The following TTC28 variants were observed in gnomAD, a reference collection of about 807,000 sequenced individuals.
The protein encoded by TTC28 is tetratricopeptide repeat protein 28.
Under a neutral mutation model 198.0 loss-of-function variants are expected in TTC28, and 61 were observed. That is an observed-to-expected ratio of 0.31 (90% CI 0.25 to 0.38). The LOEUF is 0.38. Ranked by LOEUF, TTC28 falls within the 10% of genes least tolerant of loss-of-function variation. TTC28 has a pLI of 1.00. For synonymous variants in TTC28, 1,171 were observed against 1,297.8 expected, an observed-to-expected ratio of 0.90 and a Z score of 2.10; for missense variants, 2,678 against 3,164.0, an observed-to-expected ratio of 0.85 and a Z score of 3.69.
chr22:28,184,441 G>A (rs1923995801), intron 5 of TTC28, among the ~76,000 whole-genome samples: 1 of 152,102 alleles, frequency 6.6e-6, no homozygotes, highest in African/African-American at 2.4e-5. Context: ...ATTTGGGCAT[G>A]CAAGCGCATA....
intron 2 of TTC28, among the ~76,000 whole-genome samples, chr22:28,433,219 G>T (rs913967219): frequency 2.0e-5 from 3 of 151,766 alleles, no homozygotes; most frequent in Non-Finnish European, 2.9e-5. Flanking sequence ...TAAATTTCTC[G>T]GTATCTTCAA....
intron 2 of TTC28, among the ~76,000 whole-genome samples, chr22:28,509,298 C>G (rs1385659361): frequency 6.6e-6 from 1 of 151,824 alleles, no homozygotes; most frequent in Admixed American, 6.6e-5. Flanking sequence ...GGATTTAAAA[C>G]AGTCTTCAGC....
chr22:28,460,742 G>A (rs2047938823), intron 2 of TTC28, among the ~76,000 whole-genome samples: 1 of 152,064 alleles, frequency 6.6e-6, no homozygotes, highest in South Asian at 2.1e-4. Flanking sequence ...GCAGTGCAGT[G>A]GTGCAAACAG....
intron 6 of TTC28, 109 bp downstream of exon 6, chr22:28,162,983 T>C (rs1210082030): frequency 1.5e-6 from 2 of 1,325,450 alleles, no homozygotes; most frequent in Admixed American, 2.8e-5. Context: ...ACAATAAGGA[T>C]ATTCTTTTAA....
intron 1 of TTC28, among the ~76,000 whole-genome samples, chr22:28,656,849 A>AC (rs1396225083): frequency 6.6e-6 from 1 of 152,210 alleles, no homozygotes; most frequent in Admixed American, 6.5e-5. Flanking sequence ...CCAACATGGC[A>AC]CATGTATATA....
At chr22:28,174,918 A>G (rs940596606) in intron 5 of TTC28, among the ~76,000 whole-genome samples, 1 of 152,042 alleles carries the variant, frequency 6.6e-6, no homozygotes. Context: ...TTGTTCATTC[A>G]TTCTTGCATT....
intron 2 of TTC28, among the ~76,000 whole-genome samples, chr22:28,530,932 C>G (rs867517205): frequency 6.6e-6 from 1 of 152,164 alleles, no homozygotes; most frequent in Non-Finnish European, 1.5e-5. Context: ...AAGGAACAAC[C>G]GGTACCAGCC....
At chr22:28,570,199 C>T (rs1168334379) in intron 2 of TTC28, among the ~76,000 whole-genome samples, 1 of 152,188 alleles carries the variant, frequency 6.6e-6, no homozygotes, top group Non-Finnish European at 1.5e-5. Flanking sequence ...ACAGCAATCC[C>T]ATGACTGGGT....
intron 7 of TTC28, among the ~76,000 whole-genome samples, chr22:28,106,773 G>A (rs1013139316): frequency 3.9e-5 from 6 of 152,126 alleles, no homozygotes; most frequent in Non-Finnish European, 8.8e-5. Context: ...GTAGTCAAAA[G>A]GCACTGCATT....
intron 5 of TTC28, among the ~76,000 whole-genome samples, chr22:28,217,620 G>C (rs1179336040): frequency 6.6e-6 from 1 of 152,122 alleles, no homozygotes; most frequent in East Asian, 1.9e-4. Flanking sequence ...TTTTATTTTA[G>C]TTTCAGCATA....
chr22:28,460,422 A>G (rs2047930761), intron 2 of TTC28, among the ~76,000 whole-genome samples: 1 of 151,354 alleles, frequency 6.6e-6, no homozygotes, highest in South Asian at 2.1e-4. Context: ...ACACTCCCTA[A>G]ACTTTTCTAT....
intron 22 of TTC28, among the ~76,000 whole-genome samples, chr22:27,984,351 A>G (rs1012201572): frequency 6.6e-6 from 1 of 151,940 alleles, no homozygotes; most frequent in Non-Finnish European, 1.5e-5. Context: ...AGTCCCTATC[A>G]TTCTTATAAA....
intron 2 of TTC28, among the ~76,000 whole-genome samples, chr22:28,590,420 C>G (rs987345816): frequency 6.6e-6 from 1 of 152,072 alleles, no homozygotes; most frequent in Non-Finnish European, 1.5e-5. Flanking sequence ...TGAGCCACCA[C>G]GCCCAGCCTC....
chr22:28,189,342 CAAG>C (rs1373371992), intron 5 of TTC28, among the ~76,000 whole-genome samples: 1 of 151,746 alleles, frequency 6.6e-6, no homozygotes, highest in Non-Finnish European at 1.5e-5. Flanking sequence ...AGAACAAATC[CAAG>C]AAGAATATTA....
intron 2 of TTC28, among the ~76,000 whole-genome samples, chr22:28,425,975 T>C (rs1321056018): frequency 1.3e-5 from 2 of 152,010 alleles, no homozygotes; most frequent in Middle Eastern, 3.4e-3. Flanking sequence ...CTCTGAGAGG[T>C]TGAGGCAGAT....
At chr22:28,591,040 CATAT>C (rs377761638) in intron 2 of TTC28, among the ~76,000 whole-genome samples, 120 of 30,682 alleles carry the variant, frequency 3.9e-3, no homozygotes, top group Non-Finnish European at 4.4e-3. Flanking sequence ...CACACACACA[CATAT>C]ATATATATAT....
At chr22:28,591,807 T>A (rs1569045699) in intron 2 of TTC28, among the ~76,000 whole-genome samples, 1 of 152,324 alleles carries the variant, frequency 6.6e-6, no homozygotes, top group East Asian at 1.9e-4. Context: ...ACAATTTACA[T>A]ATATGAGCTA....
At chr22:28,094,726 T>A (rs1007689023) in intron 11 of TTC28, among the ~76,000 whole-genome samples, 1 of 152,198 alleles carries the variant, frequency 6.6e-6, no homozygotes, top group Admixed American at 6.5e-5. Flanking sequence ...AAAGGCCAGA[T>A]AAAAACATTT....
chr22:28,420,233 T>TA (rs1026048058), intron 2 of TTC28, among the ~76,000 whole-genome samples: 1 of 152,148 alleles, frequency 6.6e-6, no homozygotes, highest in African/African-American at 2.4e-5. Flanking sequence ...TACCTCTGTA[T>TA]AAAAAATCTA....
Sources: allele counts gnomAD v4.1 joint callset (sites outside exome capture counted in the v4.1 genomes callset), GRCh38; gene constraint gnomAD v4.1.1; transcripts MANE v1.5; gene names NCBI Gene and HGNC (gene_info 2026-07-23, HGNC 2026-07-21).